HAVCR2: variants seen among roughly 807,000 people sequenced by gnomAD.
HAVCR2 encodes the protein hepatitis A virus cellular receptor 2.
A neutral mutation model predicts 24.7 loss-of-function variants in HAVCR2; 13 were observed. The ratio of observed to expected loss-of-function variants is 0.53; its 90% confidence interval spans 0.34 to 0.84. The LOEUF is 0.84. Among genes scored for constraint, HAVCR2 ranks in the 40% least tolerant of loss-of-function variants. The probability of loss-of-function intolerance (pLI) is 0.01; values close to 1 mark genes in which losing one functional copy is unlikely to be tolerated. For synonymous variants in HAVCR2, 154 were observed against 143.4 expected (o/e 1.07, Z -0.53); for missense variants, 343 against 371.2 (o/e 0.92, Z 0.62).
chr5:157,088,750 C>T (rs2113683541), intron 6 of HAVCR2, among the ~76,000 whole-genome samples, 191 bp downstream of exon 6: 1 of 152,290 alleles, frequency 6.6e-6, no homozygotes, highest in South Asian at 2.1e-4. Context: ...ACTAAAGAAG[C>T]TAGAGGTGTC....
intron 3 of HAVCR2, among the ~76,000 whole-genome samples, chr5:157,104,409 T>C (rs1054626567): frequency 5.3e-5 from 8 of 152,240 alleles, no homozygotes; most frequent in Non-Finnish European, 8.8e-5. Flanking sequence ...AGTTAATATT[T>C]AAGTAAAATT....
At position 157,104,706 on chromosome 5, in the gene HAVCR2, T is replaced by G; in HGVS notation, c.438A>C (p.Ala146=). ...PAPTRQRDFT[A]AFPRMLTTRG... is the part of the protein sequence containing the mutation. ...TGGTGGTAAGCATCCTTGGAAAGGC[T>G]GCAGTGAAGTCTCTCTGCCGAGTCG... The change falls in exon 3 of 7, where the codon GCA becomes GCC. Residue 146 remains alanine, a synonymous_variant. Transcript: ENST00000307851. 6.2e-7 allele frequency: 1 copy of G among 1,605,362 alleles called. No homozygotes were observed. Among genetic ancestry groups the G allele is most frequent in the Non-Finnish European group, 8.5e-7 (1 of 1,175,450 alleles).
At chr5:157,107,134 C>T (rs577163454) in intron 1 of HAVCR2, 172 bp from the exon 2 acceptor site, 1 of 594,922 alleles carries the variant, frequency 1.7e-6, no homozygotes, top group Non-Finnish European at 2.9e-6. Flanking sequence ...ATCAGAATCA[C>T]TGGGAAGCCT....
At chr5:157,100,702 T>TTTAAATA (rs1333051554) in intron 3 of HAVCR2, among the ~76,000 whole-genome samples, 1 of 152,204 alleles carries the variant, frequency 6.6e-6, no homozygotes, top group Non-Finnish European at 1.5e-5. Context: ...CAAACTATAG[T>TTTAAATA]TTAAATATTA....
At position 157,087,236 on chromosome 5, in the gene HAVCR2, T is replaced by G; in HGVS notation, c.772A>C (p.Ile258Leu). Residue 258 changes from isoleucine to leucine, a missense_variant, in exon 7 of 7, where the codon ATT becomes CTT. By Grantham distance (5) the Ile-to-Leu change is conservative (BLOSUM62 2). Coordinates refer to ENST00000307851, the MANE Select transcript of HAVCR2 (RefSeq NM_032782.5). ...GTATAGATGTTTTCTTCTGAGCGAA[T>G]TCCCTCTGCTACTGCATTTGCCAAT... Reference protein sequence around the residue: ...SGLANAVAEGIRSEENIYTIE... With the variant: ...SGLANAVAEGLRSEENIYTIE... 2 of 1,613,824 alleles carry G rather than the reference T, an allele frequency of 1.2e-6. No homozygotes were observed. Among genetic ancestry groups the G allele is most frequent in the Non-Finnish European group, 1.7e-6 (2 of 1,179,948 alleles).
At position 157,087,156 on chromosome 5, in the gene HAVCR2, G is replaced by A. The variant is rs1481778024; in HGVS notation, c.852C>T (p.Val284=). The A allele has an allele frequency of 1.9e-6, 3 of 1,614,074 alleles. No individual in the cohort carries two copies. The highest frequency in any genetic ancestry group is 2.2e-5 in the East Asian group (1 of 44,868). The change falls in exon 7 of 7, where the codon GTC becomes GTT. Residue 284 remains valine, a synonymous_variant. Coordinates refer to ENST00000307851, the MANE Select transcript of HAVCR2 (RefSeq NM_032782.5). Reference sequence around the variant, plus strand: ...GTTGTGAGGGTTGCTGCCTGCTGCTGACATAGCAATAATACTCATTGGGCT... The same window carrying A: ...GTTGTGAGGGTTGCTGCCTGCTGCTAACATAGCAATAATACTCATTGGGCT... The part of the protein sequence containing the change: ...VEEPNEYYCY[V]SSRQQPSQPL...
intron 3 of HAVCR2, among the ~76,000 whole-genome samples, chr5:157,100,269 C>T (rs1440299135): frequency 1.3e-5 from 2 of 152,182 alleles, no homozygotes; most frequent in African/African-American, 4.8e-5. Flanking sequence ...CATGACTTAG[C>T]AAATGACAAA....
intron 5 of HAVCR2, among the ~76,000 whole-genome samples, chr5:157,093,180 T>C (rs1342005461): frequency 6.6e-6 from 1 of 151,290 alleles, no homozygotes; most frequent in Non-Finnish European, 1.5e-5. Context: ...CAGGTAAGTG[T>C]GGGTGGGGTA....
At chr5:157,099,749 G>A (rs1302890614) in intron 3 of HAVCR2, among the ~76,000 whole-genome samples, 1 of 151,990 alleles carries the variant, frequency 6.6e-6, no homozygotes, top group Non-Finnish European at 1.5e-5. Context: ...AGGCTGGAGT[G>A]CAGTAGCATG....
intron 1 of HAVCR2, 116 bp downstream of exon 1, chr5:157,108,810 G>T: frequency 1.2e-6 from 1 of 832,168 alleles, no homozygotes; most frequent in Non-Finnish European, 1.9e-6. Flanking sequence ...CGGACATTTA[G>T]GTTGCTTCCA....
chr5:157,100,863 G>A (rs191813446), intron 3 of HAVCR2, among the ~76,000 whole-genome samples: 147 of 152,248 alleles, frequency 9.7e-4, no homozygotes, highest in African/African-American at 3.4e-3. Context: ...TTGGGAGGCC[G>A]AGGGCAGGCA....
At chr5:157,098,364 A>T in intron 4 of HAVCR2, among the ~76,000 whole-genome samples, 1 of 150,312 alleles carries the variant, frequency 6.7e-6, no homozygotes, top group Admixed American at 6.7e-5. Context: ...CCAGGATCAC[A>T]CCCTTGCACT....
Position 157,104,753 on chromosome 5 carries a change from A to C in HAVCR2, c.395-4T>G. On this transcript the variant is annotated splice_region_variant and splice_polypyrimidine_tract_variant and intron_variant, in intron 2 of 6. Coordinates refer to ENST00000307851, the MANE Select transcript of HAVCR2 (RefSeq NM_032782.5). ...GTCGGTGCAGGGGTGACCTTGGCTA[A>C]TGTCAGAAACAACATAAGGATGAAA... 1 of 1,585,368 alleles carries C rather than the reference A, an allele frequency of 6.3e-7. No individual in the cohort carries two copies. The highest frequency in any genetic ancestry group is 1.7e-4 in the Middle Eastern group (1 of 5,998).
chr5:157,087,038 G>A lies in HAVCR2; in HGVS notation c.*64C>T. ...TGGACAGAACCTCCAAAACCAGTCA[G>A]GTGACACAGCTCATAGTTTCTGAAA... is the stretch of plus-strand genomic sequence containing the variant. On this transcript the variant is annotated 3_prime_UTR_variant, in exon 7 of 7. Transcript: ENST00000307851. 6.8e-7 allele frequency: 1 copy of A among 1,467,064 alleles called. No individual in the cohort carries two copies. The highest frequency in any genetic ancestry group is 1.2e-5 in the South Asian group (1 of 84,944). The allele number at this position is 1,467,064 out of a possible 1,614,324, so 90.9% of individuals were successfully genotyped here. A position where few individuals can be genotyped will look rare whatever the true frequency, so the allele number is the denominator to read the frequency against.
intron 2 of HAVCR2, chr5:157,106,412 G>A (rs1015352683): frequency 1.8e-6 from 1 of 557,806 alleles, no homozygotes; most frequent in Non-Finnish European, 3.2e-6. Context: ...TTAGAGGTGT[G>A]AGCCACCACG....
chr5:157,094,280 A>C (rs962737823), intron 5 of HAVCR2, among the ~76,000 whole-genome samples: 2 of 151,886 alleles, frequency 1.3e-5, no homozygotes, highest in African/African-American at 4.8e-5. Flanking sequence ...CCTGGGCTCA[A>C]CTGATCCTCT....
At chr5:157,102,182 C>T (rs1757177064) in intron 3 of HAVCR2, among the ~76,000 whole-genome samples, 3 of 152,222 alleles carry the variant, frequency 2.0e-5, no homozygotes, top group Admixed American at 2.0e-4. Flanking sequence ...GGTGATCCAT[C>T]TGCCTTGGCC....
chr5:157,096,238 A>T (rs1757093095), intron 4 of HAVCR2, among the ~76,000 whole-genome samples: 3 of 151,602 alleles, frequency 2.0e-5, no homozygotes, highest in African/African-American at 4.8e-5. Flanking sequence ...TCAAAAAAAA[A>T]AAAAAAAAAA....
chr5:157,096,940 AC>A (rs1757102537), intron 4 of HAVCR2, among the ~76,000 whole-genome samples: 1 of 149,718 alleles, frequency 6.7e-6, no homozygotes, highest in Non-Finnish European at 1.5e-5. Context: ...ACACACACAC[AC>A]ACACACACAC....
Sources: allele counts gnomAD v4.1 joint callset (sites outside exome capture counted in the v4.1 genomes callset), GRCh38; gene constraint gnomAD v4.1.1; transcripts MANE v1.5; gene names NCBI Gene and HGNC (gene_info 2026-07-23, HGNC 2026-07-21).